GCC2: variants seen among roughly 807,000 people sequenced by gnomAD.
GCC2 encodes the protein GRIP and coiled-coil domain-containing protein 2.
In GCC2, 120 loss-of-function variants were observed where a neutral mutation model predicts 210.6. The observed-to-expected ratio is 0.57, with a 90% CI of 0.49 to 0.66. GCC2 has a LOEUF of 0.66. Ranked by LOEUF, GCC2 falls within the 30% of genes least tolerant of loss-of-function variation. The probability of loss-of-function intolerance (pLI) is 0.00; values close to 1 mark genes in which losing one functional copy is unlikely to be tolerated. For synonymous variants in GCC2, 703 were observed against 652.7 expected, an observed-to-expected ratio of 1.08 and a Z score of -1.17; for missense variants, 1,868 against 1,871.9, an observed-to-expected ratio of 1.00 and a Z score of 0.04.
At position 108,506,330 on chromosome 2, in the gene GCC2, C is replaced by G. The variant is rs183442884; in HGVS notation, c.4985-1230C>G. Among the ~76,000 whole-genome samples the G allele has an allele frequency of 4.7e-3, 719 of 152,304 alleles. 29 individuals carry two copies. Among genetic ancestry groups the G allele is most frequent in the Admixed American group, 0.044 (679 of 15,298 alleles). The stretch of plus-strand genomic sequence containing the variant: ...CCAGTACAGCAACATGGATAATTCT[C>G]AAATGCCTTATGCCAGTTGACAGAG... On this transcript the variant is annotated intron_variant, in intron 22 of 22. Transcript: ENST00000309863.
chr2:108,479,274 A>T (rs913795111), intron 9 of GCC2, among the ~76,000 whole-genome samples: 1 of 152,224 alleles, frequency 6.6e-6, no homozygotes, highest in Admixed American at 6.5e-5. Context: ...ACAGTCAGCC[A>T]CCAGTTGAGT....
intron 4 of GCC2, among the ~76,000 whole-genome samples, chr2:108,463,438 A>G (rs2718728): frequency 0.95 from 144,855 of 152,192 alleles, 69,012 homozygotes; most frequent in East Asian, 1. Flanking sequence ...GTGCAATAGC[A>G]TAGGATCGGT....
chr2:108,458,708 T>C (rs777711812), intron 4 of GCC2, among the ~76,000 whole-genome samples: 1 of 152,092 alleles, frequency 6.6e-6, no homozygotes, highest in Non-Finnish European at 1.5e-5. Flanking sequence ...AGTTTGTGGG[T>C]GCATAGCTGT....
intron 4 of GCC2, 41 bp downstream of exon 4, chr2:108,452,507 T>G (rs1457129365): frequency 2.6e-6 from 3 of 1,167,212 alleles, no homozygotes; most frequent in South Asian, 1.2e-5. Flanking sequence ...GAAATAAAAT[T>G]TCCCTGAGGA....
Position 108,459,402 on chromosome 2 carries a change from T to C in GCC2, c.216+6936T>C, listed in dbSNP as rs975233169. On this transcript the variant is annotated intron_variant, in intron 4 of 22. Transcript: ENST00000309863. ...GAAAATGATTTTGTGGCCTAACATATGGTCTTTTCTGAAGAATGAATGTTT... is the reference window on the plus strand; with the variant it reads ...GAAAATGATTTTGTGGCCTAACATACGGTCTTTTCTGAAGAATGAATGTTT... 5.3e-5 allele frequency among the ~76,000 whole-genome samples: 8 copies of C among 152,344 alleles called. No homozygotes were observed. In the East Asian group the frequency reaches 1.3e-3, roughly 26 times the overall value.
At position 108,472,054 on chromosome 2, in the gene GCC2, C is replaced by G. The variant is rs151131536; in HGVS notation, c.2725C>G (p.Leu909Val). 5.7e-6 allele frequency: 9 copies of G among 1,584,866 alleles called. No individual in the cohort carries two copies. Among genetic ancestry groups the G allele is most frequent in the Non-Finnish European group, 7.7e-6 (9 of 1,171,840 alleles). Residue 909 changes from leucine to valine, a missense_variant, in exon 6 of 23, where the codon CTA (leucine) becomes GTA (valine). Transcript: ENST00000309863. ...EKCFIKEHEN[L>V]KPLLEQKELR... ...ATGTTTTATAAAGGAACATGAAAAC[C>G]TAAAGCCACTACTAGAACAAAAAGA...
intron 7 of GCC2, chr2:108,473,129 C>T: frequency 2.6e-6 from 1 of 390,174 alleles, no homozygotes; most frequent in Non-Finnish European, 4.5e-6. Flanking sequence ...TTATAAATGG[C>T]TTCATGATTT....
chr2:108,459,660 C>T (rs1346412673), intron 4 of GCC2, among the ~76,000 whole-genome samples: 2 of 147,250 alleles, frequency 1.4e-5, no homozygotes, highest in Admixed American at 6.9e-5. Flanking sequence ...TCTGGGTGCT[C>T]CAGTGTCAGG....
chr2:108,493,561 C>A, intron 19 of GCC2: 11 of 985,410 alleles, frequency 1.1e-5, no homozygotes, highest in Non-Finnish European at 1.3e-5. Flanking sequence ...TTTGCTTTCA[C>A]ATTTACAATT....
chr2:108,497,724 A>T lies in GCC2; in HGVS notation c.4782+615A>T, dbSNP rs534134898. Among the ~76,000 whole-genome samples the T allele has an allele frequency of 2.1e-3, 318 of 152,234 alleles. 3 individuals are homozygous for T. The highest frequency in any genetic ancestry group is 7.3e-3 in the African/African-American group (303 of 41,516). On this transcript the variant is annotated intron_variant, in intron 21 of 22. Transcript: ENST00000309863. ...TAGGAATGTTGCAGAACAGTTGAGGATTACTCAAATGAGGTATTTCCACCC... is the reference window on the plus strand; with the variant it reads ...TAGGAATGTTGCAGAACAGTTGAGGTTTACTCAAATGAGGTATTTCCACCC...
intron 7 of GCC2, chr2:108,473,294 C>G (rs569633103): frequency 7.0e-6 from 1 of 143,708 alleles, no homozygotes; most frequent in East Asian, 2.1e-4. Context: ...AGCATAGGAA[C>G]TTAACACTGT....
intron 3 of GCC2, 150 bp downstream of exon 3, chr2:108,451,262 C>A (rs1238092747): frequency 7.7e-6 from 4 of 519,016 alleles, no homozygotes; most frequent in South Asian, 3.1e-5. Flanking sequence ...ATTTAACATT[C>A]TAAAAATTTA....
intron 4 of GCC2, among the ~76,000 whole-genome samples, chr2:108,453,348 TTCTC>T (rs1479514004): frequency 2.6e-5 from 4 of 152,362 alleles, no homozygotes; most frequent in African/African-American, 4.8e-5. Flanking sequence ...TTTATCTTTT[TTCTC>T]TCTATTTCTA....
At chr2:108,492,142 T>G (rs11904149) in intron 18 of GCC2, among the ~76,000 whole-genome samples, 1,629 of 132,648 alleles carry the variant, frequency 0.012, 34 homozygotes, top group African/African-American at 0.042. Flanking sequence ...GAGTGTGGGG[T>G]TTTTTTTTTT....
intron 22 of GCC2, among the ~76,000 whole-genome samples, chr2:108,501,176 G>A (rs1409121442): frequency 1.3e-5 from 2 of 151,866 alleles, no homozygotes; most frequent in Non-Finnish European, 2.9e-5. Flanking sequence ...TAGTAGAGAC[G>A]AGGTTTCACC....
Position 108,479,980 on chromosome 2 carries a change from C to CAAA in GCC2, c.3061-1690_3061-1688dup, listed in dbSNP as rs200934785. Among the ~76,000 whole-genome samples, 283 of 114,506 alleles carry CAAA rather than the reference C, an allele frequency of 2.5e-3. 22 individuals carry two copies. Among genetic ancestry groups the CAAA allele is most frequent in the African/African-American group, 9.7e-3 (265 of 27,246 alleles). The allele number at this position is 114,506 out of a possible 152,430, so 75.1% of individuals were successfully genotyped here. Reference sequence around the variant, plus strand: ...CTGGCGACAGAGCGAGACTCCATCTCAAAAAAAAAAAAAAAAAAAAAAAAA... The same window carrying CAAA: ...CTGGCGACAGAGCGAGACTCCATCTCAAAAAAAAAAAAAAAAAAAAAAAAAAAA... On this transcript the variant is annotated intron_variant, in intron 9 of 22. Coordinates refer to ENST00000309863, the MANE Select transcript of GCC2 (RefSeq NM_181453.4).
intron 22 of GCC2, among the ~76,000 whole-genome samples, chr2:108,506,275 T>TACTGCTCAGCAATA (rs1258445598): frequency 6.6e-6 from 1 of 152,252 alleles, no homozygotes; most frequent in Non-Finnish European, 1.5e-5. Flanking sequence ...TGCAATTGAA[T>TACTGCTCAGCAATA]ACTGCTCAGC....
In GCC2 at chr2:108,472,003, A is replaced by C; in HGVS notation, c.2674A>C (p.Ser892Arg). 6.2e-7 allele frequency: 1 copy of C among 1,601,328 alleles called. No individual in the cohort carries two copies. Among genetic ancestry groups the C allele is most frequent in the Non-Finnish European group, 8.5e-7 (1 of 1,176,206 alleles). ...VEEVSQTCSK[S>R]EIHNEKEKCF... is the part of the protein sequence containing the mutation. ...AGAAGTATCTCAAACATGTAGCAAA[A>C]GTGAAATCCATAATGAAAAAGAAAA... Residue 892 changes from serine (S) to arginine (R), a missense_variant, in exon 6 of 23, where the codon AGT becomes CGT. By Grantham distance (110) the Ser-to-Arg change is moderately radical. Around this residue, in one of 3 missense-constraint regions of GCC2, gnomAD observed 1,847 missense variants for 1,765.2 expected, o/e 1.05. Transcript: ENST00000309863.
In GCC2 at chr2:108,449,636, C is replaced by T. The variant is rs577571534; in HGVS notation, c.10C>T (p.Leu4Phe). The T allele has an allele frequency of 5.6e-6, 9 of 1,613,616 alleles. No homozygotes were observed. In the East Asian group the frequency reaches 1.6e-4, roughly 28 times the overall value. The part of the protein sequence containing the change: MED[L>F]VQDGVASPAT... ...TGGGTTTGATTTTGTTTTGCAGGAT[C>T]TTGTTCAAGATGGGGTGGCTTCACC... Residue 4 changes from leucine to phenylalanine, a missense_variant, in exon 2 of 23, where the codon CTT becomes TTT. By Grantham distance (22) the Leu-to-Phe change is conservative (BLOSUM62 0). This residue lies in a region of GCC2 where 1,847 missense variants were observed against 1,765.2 expected (regional missense o/e 1.05). Transcript: ENST00000309863.
Sources: gnomAD v4.1 joint callset for allele counts (sites outside exome capture counted in the v4.1 genomes callset) on GRCh38, gnomAD v4.1.1 for gene constraint, gnomAD v4.1.1 regional missense constraint, MANE v1.5 for transcripts, NCBI Gene and HGNC (gene_info 2026-07-23, HGNC 2026-07-21) for gene names.